GRID2: variants seen among roughly 807,000 people sequenced by gnomAD.
The protein encoded by GRID2 is glutamate ionotropic receptor delta type subunit 2, also known as glutamate receptor ionotropic, delta-2.
GRID2 carries 33 observed loss-of-function variants against 114.8 expected under a neutral mutation model. That is an observed-to-expected ratio of 0.29 (90% CI 0.22 to 0.38). The LOEUF (loss-of-function observed/expected upper bound fraction) is 0.38, where lower values mean the gene tolerates loss of function less well. Ranked by LOEUF, GRID2 falls within the 10% of genes least tolerant of loss-of-function variation. The pLI is 1.00. For synonymous variants in GRID2, 505 were observed against 449.9 expected (o/e 1.12, Z -1.55); for missense variants, 1,184 against 1,257.7 (o/e 0.94, Z 0.89).
At chr4:92,881,289 A>G (rs1186674573) in intron 2 of GRID2, among the ~76,000 whole-genome samples, 3 of 152,170 alleles carry the variant, frequency 2.0e-5, no homozygotes, top group African/African-American at 7.2e-5. Context: ...GAGTTACTCA[A>G]CCCTAACCAA....
At chr4:93,052,938 G>A (rs1196434810) in intron 2 of GRID2, among the ~76,000 whole-genome samples, 1 of 151,862 alleles carries the variant, frequency 6.6e-6, no homozygotes, top group Non-Finnish European at 1.5e-5. Context: ...ATTTAGGGCT[G>A]TCTTAGCAGT....
chr4:92,736,720 TA>T (rs1001114488), intron 2 of GRID2, among the ~76,000 whole-genome samples: 6 of 152,112 alleles, frequency 3.9e-5, no homozygotes, highest in Non-Finnish European at 8.8e-5. Flanking sequence ...ACTATTAACC[TA>T]AACACTGCCC....
At chr4:92,888,156 T>G (rs2149465842) in intron 2 of GRID2, among the ~76,000 whole-genome samples, 1 of 152,300 alleles carries the variant, frequency 6.6e-6, no homozygotes, top group African/African-American at 2.4e-5. Context: ...TTATTTCATC[T>G]TTCTCAACTT....
At position 92,688,137 on chromosome 4, in the gene GRID2, C is replaced by T. The variant is rs1293830908; in HGVS notation, c.244+97851C>T. Among the ~76,000 whole-genome samples, 4 of 147,696 alleles carry T rather than the reference C, an allele frequency of 2.7e-5. No homozygotes were observed. The East Asian group carries it at 6.4e-4, about 24-fold the overall frequency. ...CCATGTTGGCTCACTGCAACCTCCA[C>T]CTCCTGGGTTCAAGCGCTTCTCCTG... On this transcript the variant is annotated intron_variant, in intron 2 of 15. Coordinates refer to ENST00000282020, the MANE Select transcript of GRID2 (RefSeq NM_001510.4).
intron 1 of GRID2, among the ~76,000 whole-genome samples, chr4:92,486,439 CTT>C (rs1289466851): frequency 6.6e-6 from 1 of 151,526 alleles, no homozygotes; most frequent in Admixed American, 6.6e-5. Flanking sequence ...TTTAACATAA[CTT>C]TTCCAATTTG....
intron 14 of GRID2, among the ~76,000 whole-genome samples, chr4:93,628,195 C>T (rs991042630): frequency 2.6e-5 from 4 of 152,014 alleles, no homozygotes; most frequent in Non-Finnish European, 4.4e-5. Flanking sequence ...CATTTATTGA[C>T]GAGCAAATTC....
At chr4:93,743,202 G>C (rs1410286300) in intron 14 of GRID2, among the ~76,000 whole-genome samples, 3 of 152,194 alleles carry the variant, frequency 2.0e-5, no homozygotes, top group Non-Finnish European at 4.4e-5. Flanking sequence ...CTTCAACTCT[G>C]TGGAGGCTGA....
intron 13 of GRID2, among the ~76,000 whole-genome samples, chr4:93,539,899 T>C (rs1471492240): frequency 6.6e-6 from 1 of 152,090 alleles, no homozygotes; most frequent in Non-Finnish European, 1.5e-5. Context: ...TTTCTATCAT[T>C]TGTGCTGGGC....
At position 92,581,455 on chromosome 4, in the gene GRID2, A is replaced by G. The variant is rs1728182360; in HGVS notation, c.89-8676A>G. Among the ~76,000 whole-genome samples the G allele has an allele frequency of 2.0e-5, 3 of 152,072 alleles. No homozygotes were observed. In the South Asian group the frequency reaches 6.2e-4, roughly 32 times the overall value. ...CTTTTCTCCCACATACTTCTGGAAGACACACAGCAGTCAGACTTTTCCAGT... is the reference window on the plus strand; with the variant it reads ...CTTTTCTCCCACATACTTCTGGAAGGCACACAGCAGTCAGACTTTTCCAGT... On this transcript the variant is annotated intron_variant, in intron 1 of 15. Transcript: ENST00000282020.
chr4:93,358,446 A>G (rs764002296), intron 8 of GRID2, among the ~76,000 whole-genome samples: 14 of 151,942 alleles, frequency 9.2e-5, no homozygotes, highest in Non-Finnish European at 1.9e-4. Context: ...CAAAGAGAAC[A>G]TAGCATATTG....
intron 2 of GRID2, among the ~76,000 whole-genome samples, chr4:92,920,965 C>T (rs1202066281): frequency 1.3e-5 from 2 of 152,124 alleles, no homozygotes; most frequent in African/African-American, 4.8e-5. Context: ...TTCCATTCTC[C>T]CAGTCACTTT....
At chr4:93,607,370 C>T (rs1740361357) in intron 13 of GRID2, among the ~76,000 whole-genome samples, 1 of 152,090 alleles carries the variant, frequency 6.6e-6, no homozygotes, top group Admixed American at 6.6e-5. Context: ...CCTTCCATAG[C>T]ACCTTGTATA....
At chr4:92,752,342 C>A (rs889572003) in intron 2 of GRID2, among the ~76,000 whole-genome samples, 2 of 152,122 alleles carry the variant, frequency 1.3e-5, no homozygotes, top group Non-Finnish European at 2.9e-5. Flanking sequence ...GAGATGAACA[C>A]AGTAAACCAA....
chr4:92,603,653 C>T (rs1729325359), intron 2 of GRID2, among the ~76,000 whole-genome samples: 1 of 151,958 alleles, frequency 6.6e-6, no homozygotes. Flanking sequence ...GAAGAAAACG[C>T]CCAAAGCAAT....
At chr4:92,672,325 A>C (rs1317849929) in intron 2 of GRID2, among the ~76,000 whole-genome samples, 1 of 152,138 alleles carries the variant, frequency 6.6e-6, no homozygotes, top group African/African-American at 2.4e-5. Context: ...TGTCTCTGAC[A>C]GTCATGAACT....
intron 13 of GRID2, among the ~76,000 whole-genome samples, chr4:93,524,790 T>C (rs1355461259): frequency 1.4e-5 from 1 of 72,500 alleles, no homozygotes; most frequent in African/African-American, 5.7e-5. Context: ...TATGTGTATA[T>C]ATATATATAT....
At chr4:92,893,685 A>T (rs1409678798) in intron 2 of GRID2, among the ~76,000 whole-genome samples, 1 of 152,094 alleles carries the variant, frequency 6.6e-6, no homozygotes, top group Non-Finnish European at 1.5e-5. Context: ...TGTTTAAAAG[A>T]TTTCCTACTG....
chr4:92,443,508 T>C (rs921524667), intron 1 of GRID2, among the ~76,000 whole-genome samples: 2 of 151,752 alleles, frequency 1.3e-5, no homozygotes, highest in Admixed American at 6.6e-5. Flanking sequence ...TGGGGGTTCT[T>C]ACCTTCCAGA....
intron 2 of GRID2, among the ~76,000 whole-genome samples, chr4:92,680,233 G>A (rs1467101655): frequency 2.0e-5 from 3 of 152,002 alleles, no homozygotes; most frequent in African/African-American, 7.2e-5. Flanking sequence ...TGAAAGAATA[G>A]ACACAAGACA....
Sources: gnomAD v4.1 joint callset for allele counts (sites outside exome capture counted in the v4.1 genomes callset) on GRCh38, gnomAD v4.1.1 for gene constraint, MANE v1.5 for transcripts, NCBI Gene and HGNC (gene_info 2026-07-23, HGNC 2026-07-21) for gene names.